The following PLEKHG6 variants were observed in gnomAD, a reference collection of about 807,000 sequenced individuals.
PLEKHG6 encodes pleckstrin homology domain-containing family G member 6.
In PLEKHG6, 91 loss-of-function variants were observed where a neutral mutation model predicts 97.5. The observed-to-expected ratio is 0.93, with a 90% confidence interval of 0.79 to 1.11. The LOEUF (loss-of-function observed/expected upper bound fraction) is 1.11, where lower values mean the gene tolerates loss of function less well. PLEKHG6 is among the 50% of genes most tolerant of loss of function. The pLI, the probability that PLEKHG6 is intolerant of heterozygous loss-of-function variation, is 0.00. For synonymous variants in PLEKHG6, 466 were observed against 425.5 expected, an observed-to-expected ratio of 1.10 and a Z score of -1.17; for missense variants, 1,044 against 1,031.0, an observed-to-expected ratio of 1.01 and a Z score of -0.17.
At position 6,327,784 on chromosome 12, in the gene PLEKHG6, G is replaced by A. The variant is rs577413799; in HGVS notation, c.2201G>A (p.Arg734Gln). The part of the protein sequence containing the change: ...KAGHTSLRPM[R>Q]AEDMLREIRE... Reference sequence around the variant, plus strand: ...GGCCACACATCCCTGCGCCCAATGCGGGCTGAGGACATGCTCAGAGAGATC... The same window carrying A: ...GGCCACACATCCCTGCGCCCAATGCAGGCTGAGGACATGCTCAGAGAGATC... Residue 734 changes from arginine (R) to glutamine (Q), a missense_variant, in exon 15 of 16, where the codon CGG becomes CAG. Arg to Gln is a conservative substitution (Grantham distance 43, BLOSUM62 1). Coordinates refer to ENST00000684764, the MANE Select transcript of PLEKHG6 (RefSeq NM_001384598.1). 2.3e-5 allele frequency: 35 copies of A among 1,525,490 alleles called. No individual in the cohort carries two copies. The highest frequency in any genetic ancestry group is 1.9e-4 in the Middle Eastern group (1 of 5,238). 94.5% of individuals were successfully genotyped at this position (1,525,490 alleles called of 1,614,324 possible). A position where few individuals can be genotyped will look rare whatever the true frequency, so the allele number is the denominator to read the frequency against.
intron 3 of PLEKHG6, among the ~76,000 whole-genome samples, chr12:6,314,345 A>T (rs1207525986): frequency 1.3e-5 from 2 of 152,172 alleles, no homozygotes; most frequent in East Asian, 3.8e-4. Context: ...TCTGCTAAAA[A>T]TGTAAAAAAA....
At chr12:6,312,420 A>T in intron 2 of PLEKHG6, 56 bp downstream of exon 2, 1 of 1,506,674 alleles carries the variant, frequency 6.6e-7, no homozygotes, top group Non-Finnish European at 8.9e-7. Context: ...GAAGACACCT[A>T]GGCTGTGGAG....
rs1239967342 is a variant in PLEKHG6 at position 6,328,247 on chromosome 12, T to C, written c.*102T>C. The C allele has an allele frequency of 1.6e-6, 2 of 1,253,542 alleles. No individual in the cohort carries two copies. Among genetic ancestry groups the C allele is most frequent in the African/African-American group, 1.5e-5 (1 of 67,762 alleles). 77.7% of individuals were successfully genotyped at this position (1,253,542 alleles called of 1,614,324 possible). ...CTGTGACTCTACCTCAAGGACCACATTTCCCAAAGGAAGCCTGGCCCAGGC... is the reference window on the plus strand; with the variant it reads ...CTGTGACTCTACCTCAAGGACCACACTTCCCAAAGGAAGCCTGGCCCAGGC... On this transcript the variant is annotated 3_prime_UTR_variant, in exon 16 of 16. Transcript: ENST00000684764.
chr12:6,321,861 G>C (rs979690898), intron 13 of PLEKHG6, among the ~76,000 whole-genome samples: 1 of 150,106 alleles, frequency 6.7e-6, no homozygotes, highest in South Asian at 2.1e-4. Context: ...AAGAGAAGGG[G>C]GAGCCTTAGG....
At chr12:6,322,750 G>A (rs771004266) in intron 13 of PLEKHG6, among the ~76,000 whole-genome samples, 99 of 152,204 alleles carry the variant, frequency 6.5e-4, no homozygotes, top group Middle Eastern at 3.4e-3. Context: ...GCCTGGTGGC[G>A]CATGCCTGTA....
Position 6,316,464 on chromosome 12 carries a change from G to T in PLEKHG6, c.756+60G>T. The T allele has an allele frequency of 6.8e-7, 1 of 1,461,114 alleles. No homozygotes were observed. Among genetic ancestry groups the T allele is most frequent in the Non-Finnish European group, 9.2e-7 (1 of 1,084,096 alleles). The allele number at this position is 1,461,114 out of a possible 1,614,324, so 90.5% of individuals were successfully genotyped here. A position where few individuals can be genotyped will look rare whatever the true frequency, so the allele number is the denominator to read the frequency against. Reference sequence around the variant, plus strand: ...AGGACTCGGAGCCCTCGGGGGTCCTGTGTGTAGGGCATGCCCACAGTATGC... The same window carrying T: ...AGGACTCGGAGCCCTCGGGGGTCCTTTGTGTAGGGCATGCCCACAGTATGC... On this transcript the variant is annotated intron_variant, in intron 7 of 15. Coordinates refer to ENST00000684764, the MANE Select transcript of PLEKHG6 (RefSeq NM_001384598.1). The surrounding 1 kb of genome is among the most constrained non-coding windows in gnomAD (Gnocchi z 4.1).
In PLEKHG6 at chr12:6,327,860, C is replaced by G; in HGVS notation, c.2277C>G (p.Asp759Glu). Residue 759 changes from aspartate (D) to glutamate (E), a missense_variant, in exon 15 of 16, where the codon GAC becomes GAG. Asp to Glu is a conservative substitution (Grantham distance 45). Coordinates refer to ENST00000684764, the MANE Select transcript of PLEKHG6 (RefSeq NM_001384598.1). ...QRIEGAEEPR[D>E]SRPRKLTRAQ... ...TTGAGGGGGCCGAGGAGCCCCGGGA[C>G]AGCAGGCCACGGAAGCTGACTCGGG... 6.7e-7 allele frequency: 1 copy of G among 1,502,910 alleles called. No individual in the cohort carries two copies. Among genetic ancestry groups the G allele is most frequent in the South Asian group, 1.4e-5 (1 of 73,420 alleles). 93.1% of individuals were successfully genotyped at this position (1,502,910 alleles called of 1,614,324 possible). A position where few individuals can be genotyped will look rare whatever the true frequency, so the allele number is the denominator to read the frequency against.
rs761592398 is a variant in PLEKHG6, at chr12:6,327,382, G to C, written c.1799G>C (p.Gly600Ala). Residue 600 changes from glycine (G) to alanine (A), a missense_variant, in exon 15 of 16, where the codon GGG becomes GCG. Transcript: ENST00000684764. ...ACTTTGATCCCAGGCACCCCCACGGGGTCCCGCTCCCCACTGAGCCGTCTA... is the reference window on the plus strand; with the variant it reads ...ACTTTGATCCCAGGCACCCCCACGGCGTCCCGCTCCCCACTGAGCCGTCTA... ...YGTLIPGTPT[G>A]SRSPLSRLRQ... is the part of the protein sequence containing the mutation. The C allele has an allele frequency of 1.1e-5, 17 of 1,613,916 alleles. No homozygotes were observed. In the African/African-American group the frequency reaches 2.0e-4, roughly 19 times the overall value.
intron 2 of PLEKHG6, chr12:6,312,602 C>A: frequency 7.7e-7 from 1 of 1,303,320 alleles, no homozygotes. Flanking sequence ...CCAGGCCCTC[C>A]GAGGAGTGCT....
chr12:6,318,102 T>C lies in PLEKHG6; in HGVS notation c.1155+108T>C. 5 of 1,391,564 alleles carry C rather than the reference T, an allele frequency of 3.6e-6. No homozygotes were observed. The South Asian group carries it at 7.1e-5, about 20-fold the overall frequency. 86.2% of individuals were successfully genotyped at this position (1,391,564 alleles called of 1,614,324 possible). A position where few individuals can be genotyped will look rare whatever the true frequency, so the allele number is the denominator to read the frequency against. On this transcript the variant is annotated intron_variant, in intron 10 of 15. Transcript: ENST00000684764. ...CCCGTACTTGGGTGCTACAAGGGTGTCCATCATTCCTACCTGGTGGTGACA... is the reference window on the plus strand; with the variant it reads ...CCCGTACTTGGGTGCTACAAGGGTGCCCATCATTCCTACCTGGTGGTGACA...
Position 6,316,353 on chromosome 12 carries a change from G to T in PLEKHG6, c.705G>T (p.Arg235=). The part of the protein sequence containing the change: ...EVLGPTLEET[R]ASGQPLDPIG... Reference sequence around the variant, plus strand: ...TGGGGCCCACCCTGGAGGAGACTCGGGCCTCGGGCCAGCCTCTGGACCCCA... The same window carrying T: ...TGGGGCCCACCCTGGAGGAGACTCGTGCCTCGGGCCAGCCTCTGGACCCCA... Residue 235 remains arginine, a synonymous_variant, in exon 7 of 16, where the codon CGG becomes CGT. Coordinates refer to ENST00000684764, the MANE Select transcript of PLEKHG6 (RefSeq NM_001384598.1). This position sits in a 1 kb window ranked among gnomAD's most constrained non-coding sequence, Gnocchi z 4.1. 6.4e-7 allele frequency: 1 copy of T among 1,565,912 alleles called. No homozygotes were observed. Among genetic ancestry groups the T allele is most frequent in the Non-Finnish European group, 8.7e-7 (1 of 1,154,724 alleles).
intron 13 of PLEKHG6, among the ~76,000 whole-genome samples, chr12:6,324,680 G>C (rs1947810652): frequency 6.6e-6 from 1 of 152,114 alleles, no homozygotes; most frequent in Non-Finnish European, 1.5e-5. Context: ...GTCAGCCTTG[G>C]GAATAAGTGA....
chr12:6,312,518 G>A, intron 2 of PLEKHG6, 154 bp downstream of exon 2: 1 of 1,109,982 alleles, frequency 9.0e-7, no homozygotes, highest in Admixed American at 3.8e-5. Context: ...GAGGAGGGCA[G>A]TGACAGGGCC....
intron 2 of PLEKHG6, 162 bp downstream of exon 2, chr12:6,312,526 G>C (rs1947309661): frequency 7.2e-6 from 8 of 1,113,178 alleles, no homozygotes; most frequent in South Asian, 2.0e-5. Context: ...CAGTGACAGG[G>C]CCAGGCTCCA....
At position 6,325,647 on chromosome 12, in the gene PLEKHG6, C is replaced by A. The variant is rs1947835727; in HGVS notation, c.1525-781C>A. 2.0e-5 allele frequency among the ~76,000 whole-genome samples: 3 copies of A among 152,176 alleles called. No individual in the cohort carries two copies. In the South Asian group the frequency reaches 6.2e-4, roughly 32 times the overall value. The stretch of plus-strand genomic sequence containing the variant: ...CCTCCTGCTCCTCCCAGCTTCAGGG[C>A]AGAGGCCCAGGTGGTAGGAGAGGGA... On this transcript the variant is annotated intron_variant, in intron 13 of 15. Transcript: ENST00000684764.
At chr12:6,313,820 C>G in intron 3 of PLEKHG6, 36 bp downstream of exon 3, 3 of 1,523,170 alleles carry the variant, frequency 2.0e-6, no homozygotes, top group Non-Finnish European at 2.6e-6. Context: ...CCCACACATA[C>G]GGCCCCAATT....
In PLEKHG6 at chr12:6,313,652, G is replaced by T. The variant is rs376851679; in HGVS notation, c.162G>T (p.Gln54His). ...PVLDPSRRRL[Q>H]QYVPFARGSG... ...AGGATCCCAGTCGCCGACGCCTCCA[G>T]CAGTATGTCCCCTTTGCCAGGGGTT... The change falls in exon 3 of 16, where the codon CAG (glutamine) becomes CAT (histidine). Residue 54 changes from glutamine to histidine, a missense_variant. Coordinates refer to ENST00000684764, the MANE Select transcript of PLEKHG6 (RefSeq NM_001384598.1). 3.2e-5 allele frequency: 52 copies of T among 1,613,962 alleles called. No individual in the cohort carries two copies. The highest frequency in any genetic ancestry group is 4.2e-5 in the Non-Finnish European group (50 of 1,180,010).
At position 6,317,111 on chromosome 12, in the gene PLEKHG6, C is replaced by T. The variant is rs543599971; in HGVS notation, c.757-192C>T. ...TCAGTGTCGGGACCTCAGGCTCCTT[C>T]GTGGAATCCAGAGAAAGGGGCGTAG... On this transcript the variant is annotated intron_variant, in intron 7 of 15. Transcript: ENST00000684764. 6.6e-5 allele frequency among the ~76,000 whole-genome samples: 10 copies of T among 152,294 alleles called. No homozygotes were observed. In the East Asian group the frequency reaches 7.7e-4, roughly 12 times the overall value.
rs1358619578 is a variant in PLEKHG6 at position 6,317,299 on chromosome 12, C to T, written c.757-4C>T. On this transcript the variant is annotated splice_polypyrimidine_tract_variant and splice_region_variant and intron_variant, in intron 7 of 15. Coordinates refer to ENST00000684764, the MANE Select transcript of PLEKHG6 (RefSeq NM_001384598.1). The stretch of plus-strand genomic sequence containing the variant: ...CTCCCCACCTCCCGTATCTGTCTCT[C>T]CAGTTTGGCCAGCGGTTCCACCCCT... 2 of 1,601,232 alleles carry T rather than the reference C, an allele frequency of 1.2e-6. No homozygotes were observed. The highest frequency in any genetic ancestry group is 1.7e-6 in the Non-Finnish European group (2 of 1,168,456).
Sources: allele counts gnomAD v4.1 joint callset (sites outside exome capture counted in the v4.1 genomes callset), GRCh38; gene constraint gnomAD v4.1.1; non-coding constraint Gnocchi (gnomAD v3.1); transcripts MANE v1.5; gene names NCBI Gene and HGNC (gene_info 2026-07-23, HGNC 2026-07-21).